RTN4: variants seen among roughly 807,000 people sequenced by gnomAD.
RTN4 encodes the protein reticulon-4.
RTN4 carries 32 observed loss-of-function variants against 90.4 expected under a neutral mutation model. The observed-to-expected ratio is 0.35, with a 90% CI of 0.27 to 0.48. The LOEUF (loss-of-function observed/expected upper bound fraction) is 0.48, where lower values mean the gene tolerates loss of function less well. Among genes scored for constraint, RTN4 ranks in the 20% least tolerant of loss-of-function variants. The pLI is 0.99. For synonymous variants in RTN4, 629 were observed against 552.5 expected (o/e 1.14, Z -1.94); for missense variants, 1,706 against 1,430.2 (o/e 1.19, Z -3.11).
chr2:54,982,453 C>T (rs1364092988), intron 5 of RTN4, 62 bp downstream of exon 5: 10 of 1,405,992 alleles, frequency 7.1e-6, no homozygotes, highest in Non-Finnish European at 9.8e-6. Context: ...CAGAATTTTA[C>T]ACTCAACTCT....
chr2:55,072,106 A>G (rs776758812), intron 2 of RTN4, among the ~76,000 whole-genome samples: 25 of 151,580 alleles, frequency 1.6e-4, no homozygotes, highest in Non-Finnish European at 3.4e-4. Flanking sequence ...GTGTGCCACA[A>G]TTGGTGTAAA....
the RTN4 span, among the ~76,000 whole-genome samples, chr2:55,136,135 C>T: frequency 2.0e-5 from 3 of 152,156 alleles, no homozygotes; most frequent in African/African-American, 4.8e-5. Flanking sequence ...GGTGATCAGC[C>T]GCTTCCTGAT....
At chr2:55,105,641 A>T (rs1244636358) in intron 1 of RTN4, among the ~76,000 whole-genome samples, 1 of 151,916 alleles carries the variant, frequency 6.6e-6, no homozygotes, top group Non-Finnish European at 1.5e-5. Flanking sequence ...TATTTTGTGG[A>T]GTGTGTTTAT....
At chr2:55,020,652 T>A (rs1233483235) in intron 3 of RTN4, among the ~76,000 whole-genome samples, 1 of 152,186 alleles carries the variant, frequency 6.6e-6, no homozygotes, top group Non-Finnish European at 1.5e-5. Context: ...TTCATCTCTC[T>A]TGCAAAATCA....
chr2:55,058,626 C>G (rs1284034901), intron 2 of RTN4, among the ~76,000 whole-genome samples: 1 of 152,066 alleles, frequency 6.6e-6, no homozygotes, highest in Non-Finnish European at 1.5e-5. Flanking sequence ...TTTTCATTCT[C>G]TCTTGGTGAT....
chr2:55,028,449 T>C (rs907606247), intron 1 of RTN4, among the ~76,000 whole-genome samples: 2 of 152,220 alleles, frequency 1.3e-5, no homozygotes, highest in Admixed American at 1.3e-4. Flanking sequence ...CTATCATTTT[T>C]CAAGAGGCAA....
upstream of RTN4, among the ~76,000 whole-genome samples, chr2:55,113,241 G>C (rs1310997211): frequency 6.6e-6 from 1 of 152,232 alleles, no homozygotes; most frequent in East Asian, 1.9e-4. Context: ...GCTTCCTGGG[G>C]TGGGAAAAGG....
At chr2:54,997,352 A>C (rs1679512281) in intron 3 of RTN4, among the ~76,000 whole-genome samples, 1 of 152,228 alleles carries the variant, frequency 6.6e-6, no homozygotes. Context: ...AAAGATGAGC[A>C]ATAAAAAGTG....
intron 3 of RTN4, among the ~76,000 whole-genome samples, chr2:54,993,978 C>T (rs1421193649): frequency 6.6e-6 from 1 of 152,152 alleles, no homozygotes; most frequent in Non-Finnish European, 1.5e-5. Context: ...TTAGTTGATA[C>T]CAAACAGTGT....
At chr2:55,008,430 A>G (rs2104779601) in intron 3 of RTN4, among the ~76,000 whole-genome samples, 1 of 152,208 alleles carries the variant, frequency 6.6e-6, no homozygotes, top group African/African-American at 2.4e-5. Context: ...ATTACTCTGT[A>G]ATAATAAAAT....
At position 54,982,048 on chromosome 2, in the gene RTN4, G is replaced by A. The variant is rs557857585; in HGVS notation, c.3360+467C>T. 4.6e-5 allele frequency among the ~76,000 whole-genome samples: 7 copies of A among 151,986 alleles called. No homozygotes were observed. The East Asian group carries it at 5.8e-4, about 13-fold the overall frequency. On this transcript the variant is annotated intron_variant, in intron 5 of 8. Transcript: ENST00000337526. The stretch of plus-strand genomic sequence containing the variant: ...CAGCTCACCGAAACCTCTGCCTCCC[G>A]GGTTCAAGCGATTCTCCTGTGCCTC...
At chr2:55,051,151 G>A (rs1183712935), upstream of RTN4, among the ~76,000 whole-genome samples, 1 of 152,194 alleles carries the variant, frequency 6.6e-6, no homozygotes, top group East Asian at 1.9e-4. Context: ...CCGAAATTGG[G>A]AGGAAAACAG....
intron 2 of RTN4, among the ~76,000 whole-genome samples, chr2:55,074,270 G>T (rs1668563142): frequency 6.6e-6 from 1 of 152,124 alleles, no homozygotes; most frequent in African/African-American, 2.4e-5. Flanking sequence ...GGGAAACTGA[G>T]GTGGGAGGAT....
intron 1 of RTN4, among the ~76,000 whole-genome samples, chr2:55,108,565 G>A (rs1452313644): frequency 6.6e-6 from 1 of 152,006 alleles, no homozygotes; most frequent in Non-Finnish European, 1.5e-5. Flanking sequence ...GAACCAGTAA[G>A]AGCAGCTCTA....
intron 3 of RTN4, among the ~76,000 whole-genome samples, chr2:55,012,078 A>G (rs1268903117): frequency 6.6e-6 from 1 of 152,232 alleles, no homozygotes; most frequent in African/African-American, 2.4e-5. Flanking sequence ...GCATTAGAAT[A>G]AAACACTCAA....
At chr2:55,092,733 G>A (rs1022684895) in intron 1 of RTN4, among the ~76,000 whole-genome samples, 2 of 152,176 alleles carry the variant, frequency 1.3e-5, no homozygotes, top group African/African-American at 4.8e-5. Context: ...CTGTAAGCCA[G>A]GTAAAACTGA....
At chr2:54,985,142 T>C (rs1271749708) in intron 4 of RTN4, among the ~76,000 whole-genome samples, 1 of 145,144 alleles carries the variant, frequency 6.9e-6, no homozygotes, top group South Asian at 2.2e-4. Context: ...TTGATAATAA[T>C]ATGACTCGGC....
chr2:55,108,086 G>A (rs1330093943), intron 1 of RTN4, among the ~76,000 whole-genome samples: 1 of 151,932 alleles, frequency 6.6e-6, no homozygotes, highest in Non-Finnish European at 1.5e-5. Context: ...CTCTCAACTA[G>A]CTGGGATTAC....
At chr2:55,108,100 C>T (rs758421826) in intron 1 of RTN4, among the ~76,000 whole-genome samples, 3 of 152,064 alleles carry the variant, frequency 2.0e-5, no homozygotes, top group Middle Eastern at 3.4e-3. Flanking sequence ...GGATTACAGG[C>T]GATGCCACAA....
Sources: gnomAD v4.1 joint callset for allele counts (sites outside exome capture counted in the v4.1 genomes callset) on GRCh38, gnomAD v4.1.1 for gene constraint, MANE v1.5 for transcripts, NCBI Gene and HGNC (gene_info 2026-07-23, HGNC 2026-07-21) for gene names.